The following NRXN3 variants were observed in gnomAD, a reference collection of about 807,000 sequenced individuals.
NRXN3 encodes the protein neurexin 3, also known as neurexin III.
A neutral mutation model predicts 137.6 loss-of-function variants in NRXN3; 32 were observed. The ratio of observed to expected loss-of-function variants is 0.23; its 90% CI spans 0.18 to 0.31. NRXN3 has a LOEUF of 0.31. NRXN3 is among the 10% of genes least tolerant of loss of function. NRXN3 has a pLI of 1.00. For synonymous variants in NRXN3, 798 were observed against 784.5 expected (o/e 1.02, Z -0.29); for missense variants, 1,574 against 2,062.5 (o/e 0.76, Z 4.59).
At chr14:79,081,721 A>T (rs1375015534) in intron 15 of NRXN3, among the ~76,000 whole-genome samples, 2 of 152,180 alleles carry the variant, frequency 1.3e-5, no homozygotes. Flanking sequence ...ATGCTCTTAT[A>T]GAGGTATGAG....
At chr14:78,321,654 G>A (rs752732689) in intron 4 of NRXN3, among the ~76,000 whole-genome samples, 3 of 152,048 alleles carry the variant, frequency 2.0e-5, no homozygotes, top group South Asian at 2.1e-4. Flanking sequence ...AGTCATCAAG[G>A]TGGGGTTCTT....
At chr14:79,013,446 C>G (rs902831827) in intron 15 of NRXN3, among the ~76,000 whole-genome samples, 2 of 152,090 alleles carry the variant, frequency 1.3e-5, no homozygotes, top group Admixed American at 6.6e-5. Context: ...AAACAATATC[C>G]CAGTAACAGC....
chr14:79,388,303 A>G lies in NRXN3; in HGVS notation c.3263-78918A>G, dbSNP rs142702895. 3.7e-4 allele frequency among the ~76,000 whole-genome samples: 56 copies of G among 152,226 alleles called. No homozygotes were observed. The East Asian group carries it at 8.5e-3, about 23-fold the overall frequency. ...TGCAGAACCAACTACACATCTTTAA[A>G]AAAAATAAATTACCCAGTCTCAGGT... On this transcript the variant is annotated intron_variant, in intron 15 of 20. Coordinates refer to ENST00000335750, the MANE Select transcript of NRXN3 (RefSeq NM_001330195.2).
chr14:78,625,954 A>C (rs1052354045), intron 4 of NRXN3, among the ~76,000 whole-genome samples: 5 of 152,218 alleles, frequency 3.3e-5, no homozygotes, highest in African/African-American at 9.6e-5. Context: ...TCTGTAGAAG[A>C]GACTGTCACA....
At chr14:79,475,487 T>A (rs1466126277) in intron 16 of NRXN3, among the ~76,000 whole-genome samples, 1 of 152,118 alleles carries the variant, frequency 6.6e-6, no homozygotes, top group Admixed American at 6.6e-5. Context: ...ATTGAGTTTT[T>A]ATTATGTGTC....
At chr14:79,024,609 T>C (rs1032626599) in intron 15 of NRXN3, among the ~76,000 whole-genome samples, 3 of 152,156 alleles carry the variant, frequency 2.0e-5, no homozygotes, top group Non-Finnish European at 4.4e-5. Context: ...AACATCATTT[T>C]AGTGCAGGAA....
At chr14:79,682,185 T>C (rs1249684879) in intron 17 of NRXN3, among the ~76,000 whole-genome samples, 2 of 152,150 alleles carry the variant, frequency 1.3e-5, no homozygotes, top group Non-Finnish European at 2.9e-5. Context: ...TTTCTTCTTT[T>C]CTTTTTAAAC....
intron 16 of NRXN3, among the ~76,000 whole-genome samples, chr14:79,518,802 T>A (rs1264555910): frequency 6.6e-6 from 1 of 152,172 alleles, no homozygotes; most frequent in Non-Finnish European, 1.5e-5. Context: ...TTCTGATGTT[T>A]CCACAATCAT....
intron 8 of NRXN3, among the ~76,000 whole-genome samples, chr14:78,746,832 T>C (rs2098609867): frequency 6.6e-6 from 1 of 152,178 alleles, no homozygotes; most frequent in Admixed American, 6.5e-5. Flanking sequence ...GAGTAGTGCC[T>C]TTGCAACATA....
At chr14:79,206,205 T>C (rs2066760106) in intron 15 of NRXN3, among the ~76,000 whole-genome samples, 1 of 152,232 alleles carries the variant, frequency 6.6e-6, no homozygotes, top group Admixed American at 6.5e-5. Flanking sequence ...ATAATGATGA[T>C]GAATGATAGC....
chr14:78,341,732 AAC>A (rs1193576591), intron 4 of NRXN3, among the ~76,000 whole-genome samples: 1 of 152,180 alleles, frequency 6.6e-6, no homozygotes, highest in Non-Finnish European at 1.5e-5. Flanking sequence ...CTTACTGCCA[AAC>A]ACAGATTTCT....
chr14:79,275,924 T>C (rs2080220940), intron 15 of NRXN3, among the ~76,000 whole-genome samples: 1 of 152,210 alleles, frequency 6.6e-6, no homozygotes, highest in Non-Finnish European at 1.5e-5. Flanking sequence ...TATTTATATT[T>C]TTCAACTTGA....
intron 4 of NRXN3, among the ~76,000 whole-genome samples, chr14:78,493,493 A>G (rs2095708207): frequency 6.6e-6 from 1 of 151,626 alleles, no homozygotes; most frequent in South Asian, 2.1e-4. Flanking sequence ...TTTGCACTCC[A>G]GCCTAGGCAA....
At chr14:78,579,202 C>G (rs1052251134) in intron 4 of NRXN3, among the ~76,000 whole-genome samples, 1 of 152,172 alleles carries the variant, frequency 6.6e-6, no homozygotes, top group Non-Finnish European at 1.5e-5. Flanking sequence ...CACCTGGATG[C>G]CTTCTACTAG....
intron 8 of NRXN3, among the ~76,000 whole-genome samples, chr14:78,751,631 C>G (rs1448475155): frequency 6.6e-6 from 1 of 152,174 alleles, no homozygotes; most frequent in Non-Finnish European, 1.5e-5. Flanking sequence ...CTTGCCACCC[C>G]TCTCTAATTA....
chr14:79,030,543 A>G (rs2099606130), intron 15 of NRXN3, among the ~76,000 whole-genome samples: 1 of 149,826 alleles, frequency 6.7e-6, no homozygotes, highest in African/African-American at 2.5e-5. Context: ...ATTTGTAAGT[A>G]TCTTTGCAGT....
chr14:78,253,039 A>G (rs1188982179), intron 2 of NRXN3, among the ~76,000 whole-genome samples: 1 of 152,164 alleles, frequency 6.6e-6, no homozygotes, highest in Non-Finnish European at 1.5e-5. Context: ...AGTTAAGAGA[A>G]TGGGAAAGAG....
intron 6 of NRXN3, among the ~76,000 whole-genome samples, chr14:78,707,665 A>G (rs1247717845): frequency 6.6e-6 from 1 of 152,128 alleles, no homozygotes; most frequent in East Asian, 1.9e-4. Context: ...CCCAAGCAGT[A>G]TACACTGCAC....
At chr14:78,687,018 A>G (rs1005992730) in intron 6 of NRXN3, among the ~76,000 whole-genome samples, 3 of 152,216 alleles carry the variant, frequency 2.0e-5, no homozygotes, top group Non-Finnish European at 4.4e-5. Context: ...ATAAAGCACA[A>G]TGAGGGAGAA....
Sources: gnomAD v4.1 joint callset for allele counts (sites outside exome capture counted in the v4.1 genomes callset) on GRCh38, gnomAD v4.1.1 for gene constraint, MANE v1.5 for transcripts, NCBI Gene and HGNC (gene_info 2026-07-23, HGNC 2026-07-21) for gene names.